Variants in MTMR8 observed in about 807,000 individuals in gnomAD.
The protein encoded by MTMR8 is phosphatidylinositol-3,5-bisphosphate 3-phosphatase MTMR8.
In MTMR8, 65 loss-of-function variants were observed where a neutral mutation model predicts 39.3. The ratio of observed to expected loss-of-function variants is 1.65; its 90% CI spans 1.35 to 2.03. The LOEUF (loss-of-function observed/expected upper bound fraction) is 2.03, where lower values mean the gene tolerates loss of function less well. Among genes scored for constraint, MTMR8 ranks in the 30% most tolerant of loss-of-function variants. The pLI is 0.00. For synonymous variants in MTMR8, 245 were observed against 185.2 expected (o/e 1.32, Z -2.62); for missense variants, 777 against 538.9 (o/e 1.44, Z -4.37).
intron 12 of MTMR8, among the ~76,000 whole-genome samples, chrX:64,313,370 A>C (rs1569217920): frequency 8.9e-6 from 1 of 112,597 alleles, no homozygotes; most frequent in African/African-American, 3.2e-5. Flanking sequence ...GTAGCTTCCA[A>C]CTTTTCTCCT....
intron 10 of MTMR8, among the ~76,000 whole-genome samples, chrX:64,333,943 C>A (rs1923006512): frequency 8.9e-6 from 1 of 111,919 alleles, no homozygotes; most frequent in African/African-American, 3.2e-5. Flanking sequence ...CACTCTTTCA[C>A]AGTCAACTTC....
At chrX:64,275,594 G>T (rs953019964) in intron 12 of MTMR8, among the ~76,000 whole-genome samples, 1 of 103,122 alleles carries the variant, frequency 9.7e-6, no homozygotes, top group Non-Finnish European at 2.0e-5. Context: ...TAGGTTTGGA[G>T]GACTGCTTGA....
At chrX:64,392,582 T>TG (rs1555963044) in intron 1 of MTMR8, among the ~76,000 whole-genome samples, 2 of 110,605 alleles carry the variant, frequency 1.8e-5, no homozygotes, top group African/African-American at 6.7e-5. Context: ...ATGTTCTTTT[T>TG]TTTGTTTGTT....
At chrX:64,360,227 C>A in intron 1 of MTMR8, 1 of 149,487 alleles carries the variant, frequency 6.7e-6, no homozygotes, top group Non-Finnish European at 1.3e-5. Flanking sequence ...ATTTACGTGA[C>A]AAAAATCAAC....
In MTMR8 at chrX:64,390,386, C is replaced by A. The variant is rs1344199285; in HGVS notation, c.24+4954G>T. ...ATCCAGGATAGCATTCTGTACCCATCTGGCACTCCAATTATTTTGGATGTC... is the reference window on the plus strand; with the variant it reads ...ATCCAGGATAGCATTCTGTACCCATATGGCACTCCAATTATTTTGGATGTC... On this transcript the variant is annotated intron_variant, in intron 1 of 13. Transcript: ENST00000374852. 7.1e-5 allele frequency among the ~76,000 whole-genome samples: 8 copies of A among 112,198 alleles called. No homozygotes were observed. The South Asian group carries it at 2.2e-3, about 32-fold the overall frequency.
At chrX:64,371,714 CAT>C (rs1279603432) in intron 1 of MTMR8, among the ~76,000 whole-genome samples, 1 of 111,361 alleles carries the variant, frequency 9.0e-6, no homozygotes, top group Admixed American at 9.6e-5. Context: ...AATTTATACA[CAT>C]GAGAATATTC....
intron 1 of MTMR8, among the ~76,000 whole-genome samples, chrX:64,372,840 T>C (rs1039813398): frequency 8.9e-6 from 1 of 111,785 alleles, no homozygotes; most frequent in Non-Finnish European, 1.9e-5. Flanking sequence ...CTGGGATAAA[T>C]GGCCAAGAGT....
At position 64,350,099 on chromosome X, in the gene MTMR8, A is replaced by AT. The variant is rs757224798; in HGVS notation, c.469-30_469-29insA. On this transcript the variant is annotated intron_variant, in intron 4 of 13. Coordinates refer to ENST00000374852, the MANE Select transcript of MTMR8 (RefSeq NM_017677.4). ...AAAGAAAATAAGCACAATATATATA[A>AT]ATATATATTTATACATTTATATATA... 9.9e-4 allele frequency: 837 copies of AT among 845,177 alleles called. 11 individuals are homozygous for AT. In the African/African-American group the frequency reaches 0.017, roughly 17 times the overall value. The allele number at this position is 845,177 out of a possible 1,213,427, so 69.7% of individuals were successfully genotyped here.
intron 13 of MTMR8, among the ~76,000 whole-genome samples, chrX:64,270,062 AG>A (rs1931724327): frequency 9.1e-6 from 1 of 109,562 alleles, no homozygotes; most frequent in African/African-American, 3.3e-5. Flanking sequence ...GCCGTTAAGA[AG>A]TTTCTCTACT....
intron 12 of MTMR8, among the ~76,000 whole-genome samples, chrX:64,286,439 G>A (rs1921179571): frequency 8.9e-6 from 1 of 111,968 alleles, no homozygotes; most frequent in African/African-American, 3.3e-5. Context: ...AGAAAAAGAG[G>A]GAATGCTCCC....
At chrX:64,301,680 G>C (rs1393475005) in intron 12 of MTMR8, among the ~76,000 whole-genome samples, 1 of 111,371 alleles carries the variant, frequency 9.0e-6, no homozygotes, top group Non-Finnish European at 1.9e-5. Context: ...CAGTTTTTCT[G>C]TTCTGTTTTT....
At position 64,373,600 on chromosome X, in the gene MTMR8, A is replaced by C. The variant is rs1037121770; in HGVS notation, c.25-14073T>G. 2.7e-5 allele frequency among the ~76,000 whole-genome samples: 3 copies of C among 111,625 alleles called. No individual in the cohort carries two copies. In the Admixed American group the frequency reaches 2.9e-4, roughly 11 times the overall value. ...GTTATTTCTTTATAGCAGTGTGAGA[A>C]TGAACTAATACACCATTATACTATA... On this transcript the variant is annotated intron_variant, in intron 1 of 13. Coordinates refer to ENST00000374852, the MANE Select transcript of MTMR8 (RefSeq NM_017677.4).
intron 1 of MTMR8, among the ~76,000 whole-genome samples, chrX:64,360,783 C>G (rs1923758620): frequency 9.0e-6 from 1 of 111,447 alleles, no homozygotes; most frequent in Non-Finnish European, 1.9e-5. Flanking sequence ...ATTTGAAGGA[C>G]AGAGTTAAAC....
At chrX:64,327,183 G>A (rs1426983860) in intron 12 of MTMR8, among the ~76,000 whole-genome samples, 1 of 111,684 alleles carries the variant, frequency 9.0e-6, no homozygotes, top group Non-Finnish European at 1.9e-5. Flanking sequence ...GTAGACAAAT[G>A]AGATTACATC....
At chrX:64,287,124 AC>A (rs1275242961) in intron 12 of MTMR8, among the ~76,000 whole-genome samples, 2 of 112,138 alleles carry the variant, frequency 1.8e-5, no homozygotes, top group Non-Finnish European at 3.8e-5. Context: ...ATCTCAGGAT[AC>A]AAAAATCAAT....
At chrX:64,321,246 T>C (rs761837916) in intron 12 of MTMR8, among the ~76,000 whole-genome samples, 9 of 112,047 alleles carry the variant, frequency 8.0e-5, no homozygotes, top group Non-Finnish European at 1.3e-4. Context: ...AACCCAGATA[T>C]TAGACTTGCT....
intron 13 of MTMR8, among the ~76,000 whole-genome samples, chrX:64,269,342 C>T (rs1321875499): frequency 9.0e-6 from 1 of 111,639 alleles, no homozygotes; most frequent in East Asian, 2.8e-4. Flanking sequence ...TTATTGAATA[C>T]CTCTATGTGC....
chrX:64,305,123 G>A (rs926066703), intron 12 of MTMR8: 1 of 215,194 alleles, frequency 4.6e-6, no homozygotes, highest in Non-Finnish European at 9.4e-6. Flanking sequence ...TCTGGATCAA[G>A]GCTAAGATCT....
intron 12 of MTMR8, among the ~76,000 whole-genome samples, chrX:64,283,239 T>C (rs767665081): frequency 3.1e-4 from 34 of 111,440 alleles, no homozygotes; most frequent in East Asian, 2.8e-3. Flanking sequence ...AGCACAGCAG[T>C]CTGAGATGGA....
Sources: allele counts gnomAD v4.1 joint callset (sites outside exome capture counted in the v4.1 genomes callset), GRCh38; gene constraint gnomAD v4.1.1; transcripts MANE v1.5; gene names NCBI Gene and HGNC (gene_info 2026-07-23, HGNC 2026-07-21).